The following TTC1 variants were observed in gnomAD, a reference collection of about 807,000 sequenced individuals.
TTC1 encodes tetratricopeptide repeat protein 1.
In TTC1, 31 loss-of-function variants were observed where a neutral mutation model predicts 37.6. The observed-to-expected ratio is 0.82, with a 90% CI of 0.62 to 1.11. TTC1 has a LOEUF of 1.11. TTC1 is among the 50% of genes most tolerant of loss of function. TTC1 has a pLI of 0.00. For synonymous variants in TTC1, 127 were observed against 122.4 expected, an observed-to-expected ratio of 1.04 and a Z score of -0.25; for missense variants, 351 against 339.0, an observed-to-expected ratio of 1.04 and a Z score of -0.28.
intron 7 of TTC1, among the ~76,000 whole-genome samples, chr5:160,061,125 C>T (rs1253899756): frequency 6.6e-6 from 1 of 152,218 alleles, no homozygotes; most frequent in Admixed American, 6.5e-5. Flanking sequence ...CACCTGCCTG[C>T]CCCGCTTCAG....
rs543962280 is a variant in TTC1, at chr5:160,023,655, A to G, written c.331-11485A>G. 10 of 1,190,312 alleles carry G rather than the reference A, an allele frequency of 8.4e-6. No homozygotes were observed. The South Asian group carries it at 1.1e-4, about 13-fold the overall frequency. 73.7% of individuals were successfully genotyped at this position (1,190,312 alleles called of 1,614,324 possible). On this transcript the variant is annotated intron_variant, in intron 2 of 7. Coordinates refer to ENST00000231238, the MANE Select transcript of TTC1 (RefSeq NM_003314.3). ...ATGGACACAGGTGACTAAGCTTCCA[A>G]ATACAAGGCTCAATGGGGACAAAGC...
intron 2 of TTC1, among the ~76,000 whole-genome samples, chr5:160,031,189 T>C (rs1362874656): frequency 2.6e-5 from 4 of 152,230 alleles, no homozygotes; most frequent in Non-Finnish European, 4.4e-5. Flanking sequence ...AAGGAGATGT[T>C]CAGCATGATA....
chr5:160,024,189 G>A (rs1388590560), intron 2 of TTC1: 4 of 497,188 alleles, frequency 8.0e-6, no homozygotes, highest in Non-Finnish European at 1.4e-5. Context: ...GGGGTTTAAT[G>A]TCCTTACTGG....
At chr5:160,026,706 C>T (rs1473891455) in intron 2 of TTC1, among the ~76,000 whole-genome samples, 2 of 152,080 alleles carry the variant, frequency 1.3e-5, no homozygotes, top group Non-Finnish European at 1.5e-5. Flanking sequence ...AGTATGCATC[C>T]TATAGTCAAC....
rs73309339 is a variant in TTC1 at position 160,023,745 on chromosome 5, T to A, written c.331-11395T>A. 4 of 1,611,906 alleles carry A rather than the reference T, an allele frequency of 2.5e-6. No individual in the cohort carries two copies. In the East Asian group the frequency reaches 8.9e-5, roughly 36 times the overall value. ...ACTCCTATGTGCTTCTTCTTGTGCT[T>A]CTTCTTTTTCTTCTTCTTTGCTGCC... is the stretch of plus-strand genomic sequence containing the variant. On this transcript the variant is annotated intron_variant, in intron 2 of 7. Coordinates refer to ENST00000231238, the MANE Select transcript of TTC1 (RefSeq NM_003314.3).
At chr5:160,019,709 C>T (rs555431077) in intron 2 of TTC1, among the ~76,000 whole-genome samples, 4 of 151,672 alleles carry the variant, frequency 2.6e-5, no homozygotes, top group South Asian at 2.1e-4. Context: ...CTCTGCCTCC[C>T]GAGTAGCTGG....
At chr5:160,038,267 C>T (rs574452545) in intron 4 of TTC1, among the ~76,000 whole-genome samples, 1 of 152,306 alleles carries the variant, frequency 6.6e-6, no homozygotes, top group East Asian at 1.9e-4. Context: ...TGTGTCCCAC[C>T]AGCAATCAGA....
Position 160,043,127 on chromosome 5 carries a change from T to C in TTC1, c.505-6T>C, listed in dbSNP as rs77367863. The C allele has an allele frequency of 7.5e-3, 12,041 of 1,613,370 alleles. 104 individuals are homozygous for C. Among genetic ancestry groups the C allele is most frequent in the Middle Eastern group, 0.019 (113 of 6,062 alleles). On this transcript the variant is annotated splice_polypyrimidine_tract_variant and splice_region_variant and intron_variant, in intron 4 of 7. Coordinates refer to ENST00000231238, the MANE Select transcript of TTC1 (RefSeq NM_003314.3). ...CAACACATATTAATACTGTTTTTCT[T>C]TTTAGGACAAGAAAGAAATGGCCAT... is the stretch of plus-strand genomic sequence containing the variant.
intron 2 of TTC1, among the ~76,000 whole-genome samples, chr5:160,032,483 C>G (rs898082549): frequency 1.3e-5 from 2 of 151,990 alleles, no homozygotes; most frequent in Admixed American, 6.6e-5. Flanking sequence ...TGGCAGTACC[C>G]CATGTCTCTC....
chr5:160,065,110 G>A lies in TTC1; in HGVS notation c.*45G>A. The A allele has an allele frequency of 6.3e-7, 1 of 1,593,404 alleles. No homozygotes were observed. Among genetic ancestry groups the A allele is most frequent in the Non-Finnish European group, 8.5e-7 (1 of 1,173,816 alleles). Reference sequence around the variant, plus strand: ...ACAAGCTGACTTGGAATTGTGTGCTGCTTGCTGTTAGCTAGGGGAAAGGCC... The same window carrying A: ...ACAAGCTGACTTGGAATTGTGTGCTACTTGCTGTTAGCTAGGGGAAAGGCC... On this transcript the variant is annotated 3_prime_UTR_variant, in exon 8 of 8. Transcript: ENST00000231238.
In TTC1 at chr5:160,015,228, G is replaced by C. The variant is rs899342095; in HGVS notation, c.330+4370G>C. On this transcript the variant is annotated intron_variant, in intron 2 of 7. Transcript: ENST00000231238. ...TAAAGCTTTTTTCTTCTTGTGTTTT[G>C]AGCCAAGTCTCGCTCTGTTGCCCAG... is the stretch of plus-strand genomic sequence containing the variant. Among the ~76,000 whole-genome samples, 11 of 152,088 alleles carry C rather than the reference G, an allele frequency of 7.2e-5. No individual in the cohort carries two copies. The East Asian group carries it at 2.1e-3, about 29-fold the overall frequency.
At chr5:160,031,088 C>G (rs754096579) in intron 2 of TTC1, among the ~76,000 whole-genome samples, 1 of 152,180 alleles carries the variant, frequency 6.6e-6, no homozygotes, top group Non-Finnish European at 1.5e-5. Flanking sequence ...GAAAAAAACT[C>G]CAGTCTTTGT....
chr5:160,024,223 AT>A (rs1756762503), intron 2 of TTC1, among the ~76,000 whole-genome samples: 2 of 152,230 alleles, frequency 1.3e-5, no homozygotes, highest in Admixed American at 6.5e-5. Context: ...CTCTTGAAAG[AT>A]AAAAATTATT....
intron 2 of TTC1, among the ~76,000 whole-genome samples, chr5:160,028,725 C>T (rs952182286): frequency 4.6e-5 from 7 of 152,140 alleles, no homozygotes; most frequent in African/African-American, 1.7e-4. Flanking sequence ...TCGCCCACCT[C>T]GACCTCCCAA....
chr5:160,053,114 G>C (rs530644217), intron 7 of TTC1, among the ~76,000 whole-genome samples: 1 of 152,138 alleles, frequency 6.6e-6, no homozygotes, highest in East Asian at 1.9e-4. Context: ...CTTCCTCCTT[G>C]TTGCTGATGA....
intron 5 of TTC1, among the ~76,000 whole-genome samples, chr5:160,048,808 G>A (rs569360400): frequency 1.6e-4 from 25 of 152,186 alleles, no homozygotes; most frequent in African/African-American, 5.5e-4. Context: ...AAAATTAGCC[G>A]GGCATGGTGG....
chr5:160,046,748 T>C (rs760126689), intron 5 of TTC1, among the ~76,000 whole-genome samples: 39 of 152,220 alleles, frequency 2.6e-4, no homozygotes, highest in Non-Finnish European at 5.1e-4. Context: ...GCACAGTGGC[T>C]CACGCCTGTA....
At chr5:160,047,688 T>G (rs1461796442) in intron 5 of TTC1, among the ~76,000 whole-genome samples, 1 of 152,200 alleles carries the variant, frequency 6.6e-6, no homozygotes, top group Admixed American at 6.5e-5. Flanking sequence ...AGGTCCTCCA[T>G]GGCCCTACAT....
intron 2 of TTC1, among the ~76,000 whole-genome samples, chr5:160,014,884 A>G (rs992786192): frequency 6.6e-6 from 1 of 152,206 alleles, no homozygotes; most frequent in Admixed American, 6.5e-5. Flanking sequence ...AAAGCTAGAC[A>G]ATGTTAAACA....
Sources: gnomAD v4.1 joint callset for allele counts (sites outside exome capture counted in the v4.1 genomes callset) on GRCh38, gnomAD v4.1.1 for gene constraint, MANE v1.5 for transcripts, NCBI Gene and HGNC (gene_info 2026-07-23, HGNC 2026-07-21) for gene names.